ADK: variants seen among roughly 807,000 people sequenced by gnomAD.
ADK encodes the protein N6,N6-dimethyladenosine kinase.
Under a neutral mutation model 44.7 loss-of-function variants are expected in ADK, and 24 were observed. The ratio of observed to expected loss-of-function variants is 0.54; its 90% CI spans 0.39 to 0.76. The LOEUF (loss-of-function observed/expected upper bound fraction) is 0.76. Ranked by LOEUF, ADK falls within the 30% of genes least tolerant of loss-of-function variation. The pLI is 0.00. For synonymous variants in ADK, 128 were observed against 142.6 expected (o/e 0.90, Z 0.73); for missense variants, 321 against 425.1 (o/e 0.76, Z 2.15).
chr10:74,352,997 A>G (rs564818863), intron 4 of ADK, among the ~76,000 whole-genome samples: 1 of 152,342 alleles, frequency 6.6e-6, no homozygotes, highest in South Asian at 2.1e-4. Context: ...GCTGTAGAAG[A>G]CAGTGTAGCA....
At position 74,661,035 on chromosome 10, in the gene ADK, GA is replaced by G. The variant is rs550093345; in HGVS notation, c.878-9138del. On this transcript the variant is annotated intron_variant, in intron 9 of 10. Transcript: ENST00000539909. ...TGACAGAGCAAGACTCTGTCTCAAA[GA>G]AAAAAAAAAGGAAAAAGGAGAATTT... is the stretch of plus-strand genomic sequence containing the variant. Among the ~76,000 whole-genome samples, 694 of 144,392 alleles carry G rather than the reference GA, an allele frequency of 4.8e-3. 3 individuals carry two copies. The highest frequency in any genetic ancestry group is 6.2e-3 in the Non-Finnish European group (408 of 65,406). 94.7% of individuals were successfully genotyped at this position (144,392 alleles called of 152,430 possible). A position where few individuals can be genotyped will look rare whatever the true frequency, so the allele number is the denominator to read the frequency against.
At chr10:74,527,692 CTT>C (rs1849110949) in intron 7 of ADK, 30 of 1,227,912 alleles carry the variant, frequency 2.4e-5, no homozygotes. Context: ...AAATGCCTCT[CTT>C]ATTTCTGCAT....
At chr10:74,428,970 T>G (rs897023028) in intron 6 of ADK, among the ~76,000 whole-genome samples, 3 of 152,162 alleles carry the variant, frequency 2.0e-5, no homozygotes, top group African/African-American at 7.2e-5. Flanking sequence ...AAGAGAATAT[T>G]ATGCATACAT....
intron 4 of ADK, among the ~76,000 whole-genome samples, chr10:74,362,251 C>T (rs776578126): frequency 1.2e-4 from 18 of 151,842 alleles, no homozygotes; most frequent in Non-Finnish European, 2.4e-4. Context: ...TTGCTTGCTT[C>T]CTTTTCTTTT....
chr10:74,637,625 G>A (rs1266217402), intron 9 of ADK, among the ~76,000 whole-genome samples: 1 of 152,226 alleles, frequency 6.6e-6, no homozygotes, highest in East Asian at 1.9e-4. Context: ...TTTTGGTTTA[G>A]GGAATCTGTA....
intron 4 of ADK, among the ~76,000 whole-genome samples, chr10:74,347,797 G>A (rs983429779): frequency 1.8e-4 from 28 of 152,112 alleles, no homozygotes; most frequent in African/African-American, 6.0e-4. Flanking sequence ...CTAAGGTGGC[G>A]GGGAGGTTTG....
intron 3 of ADK, among the ~76,000 whole-genome samples, chr10:74,256,059 C>T (rs1275817914): frequency 3.3e-5 from 5 of 152,052 alleles, no homozygotes; most frequent in African/African-American, 1.2e-4. Context: ...TTCACAGTGG[C>T]GATAGGCTTA....
intron 4 of ADK, among the ~76,000 whole-genome samples, chr10:74,390,050 A>G (rs999627839): frequency 1.3e-5 from 2 of 152,050 alleles, no homozygotes; most frequent in African/African-American, 4.8e-5. Context: ...AAAAGTTGCT[A>G]TTGGCTCTGG....
chr10:74,202,104 A>G (rs1843419891), intron 2 of ADK, among the ~76,000 whole-genome samples: 1 of 151,900 alleles, frequency 6.6e-6, no homozygotes, highest in African/African-American at 2.4e-5. Flanking sequence ...CCCTCCTCTA[A>G]CCCAGTCTCC....
intron 4 of ADK, among the ~76,000 whole-genome samples, chr10:74,328,178 G>C (rs1841085235): frequency 6.6e-6 from 1 of 152,048 alleles, no homozygotes; most frequent in African/African-American, 2.4e-5. Flanking sequence ...CGAAGTGCTG[G>C]GATTATAAGC....
chr10:74,391,870 C>T (rs781773335), intron 4 of ADK, among the ~76,000 whole-genome samples: 2 of 152,202 alleles, frequency 1.3e-5, no homozygotes, highest in South Asian at 2.1e-4. Context: ...CCCTCCCTGA[C>T]GTCCTTGGCA....
chr10:74,165,588 C>T (rs1842013909), intron 1 of ADK, among the ~76,000 whole-genome samples: 1 of 151,256 alleles, frequency 6.6e-6, no homozygotes, highest in Non-Finnish European at 1.5e-5. Flanking sequence ...GGCAATCTGT[C>T]TTTAGCTGAG....
intron 6 of ADK, among the ~76,000 whole-genome samples, chr10:74,511,862 C>T (rs1848344213): frequency 6.6e-6 from 1 of 152,076 alleles, no homozygotes; most frequent in South Asian, 2.1e-4. Context: ...TGAGAGAGGG[C>T]ATCATTGTCT....
intron 4 of ADK, among the ~76,000 whole-genome samples, chr10:74,335,257 T>C (rs1250418832): frequency 6.6e-6 from 1 of 152,162 alleles, no homozygotes; most frequent in Non-Finnish European, 1.5e-5. Flanking sequence ...TATTTTATTT[T>C]ATTTATTTAT....
intron 4 of ADK, among the ~76,000 whole-genome samples, chr10:74,385,570 A>AAT (rs1001798617): frequency 6.6e-6 from 1 of 152,178 alleles, no homozygotes; most frequent in African/African-American, 2.4e-5. Flanking sequence ...TCCAACAAAT[A>AAT]ATAGGTGATC....
intron 7 of ADK, among the ~76,000 whole-genome samples, chr10:74,545,707 T>C (rs1477901786): frequency 1.3e-5 from 2 of 152,186 alleles, no homozygotes; most frequent in Admixed American, 6.5e-5. Flanking sequence ...CCCATTTCTG[T>C]TTTATTGTTA....
chr10:74,642,827 CTTTTTT>C (rs770015945), intron 9 of ADK, among the ~76,000 whole-genome samples: 1 of 77,492 alleles, frequency 1.3e-5, no homozygotes, highest in Admixed American at 1.4e-4. Context: ...ATCTTAAGTT[CTTTTTT>C]TTTTTTTTTT....
At chr10:74,255,405 T>C (rs1845789892) in intron 3 of ADK, among the ~76,000 whole-genome samples, 1 of 151,952 alleles carries the variant, frequency 6.6e-6, no homozygotes, top group South Asian at 2.1e-4. Flanking sequence ...GAAAAACAGG[T>C]TTTGCAACAC....
At chr10:74,647,108 A>C (rs560134379) in intron 9 of ADK, among the ~76,000 whole-genome samples, 11 of 152,274 alleles carry the variant, frequency 7.2e-5, no homozygotes, top group Admixed American at 2.0e-4. Flanking sequence ...TCCTTAAAAA[A>C]AAAAAACTCT....
Sources: gnomAD v4.1 joint callset for allele counts (sites outside exome capture counted in the v4.1 genomes callset) on GRCh38, gnomAD v4.1.1 for gene constraint, MANE v1.5 for transcripts, NCBI Gene and HGNC (gene_info 2026-07-23, HGNC 2026-07-21) for gene names.